LUC7L3: variants seen among roughly 807,000 people sequenced by gnomAD.
LUC7L3 encodes the protein luc7-like protein 3.
Under a neutral mutation model 66.8 loss-of-function variants are expected in LUC7L3, and 6 were observed. That is an observed-to-expected ratio of 0.09 (90% CI 0.05 to 0.18). The LOEUF is 0.18. LUC7L3 is among the 10% of genes least tolerant of loss of function. The pLI, the probability that LUC7L3 is intolerant of heterozygous loss-of-function variation, is 1.00. For synonymous variants in LUC7L3, 160 were observed against 174.7 expected (o/e 0.92, Z 0.66); for missense variants, 341 against 531.1 (o/e 0.64, Z 3.52).
At chr17:50,721,477 A>T (rs911415170) in intron 1 of LUC7L3, among the ~76,000 whole-genome samples, 1 of 152,150 alleles carries the variant, frequency 6.6e-6, no homozygotes, top group Non-Finnish European at 1.5e-5. Flanking sequence ...CAGTTTTAGT[A>T]CTTTTCACTA....
intron 5 of LUC7L3, among the ~76,000 whole-genome samples, chr17:50,743,221 C>CA: frequency 6.7e-6 from 1 of 150,342 alleles, no homozygotes; most frequent in East Asian, 2.0e-4. Context: ...AAAAAAAAAA[C>CA]AGAGTCTCAC....
At chr17:50,736,782 A>G (rs1970011589) in intron 1 of LUC7L3, 178 bp from the exon 2 acceptor site, 2 of 556,318 alleles carry the variant, frequency 3.6e-6, no homozygotes, top group Non-Finnish European at 6.3e-6. Context: ...TTATTCTTTT[A>G]TCGAAATTCA....
Position 50,749,613 on chromosome 17 carries a change from A to G in LUC7L3, c.1139-888A>G, listed in dbSNP as rs368110701. ...TATGTAGAGGGTTCTGTTTCTCTTA[A>G]AATGTCTTTTTGTCTAATTAACTAC... On this transcript the variant is annotated intron_variant, in intron 9 of 9. Transcript: ENST00000505658. Among the ~76,000 whole-genome samples, 3 of 152,282 alleles carry G rather than the reference A, an allele frequency of 2.0e-5. No individual in the cohort carries two copies. In the East Asian group the frequency reaches 5.8e-4, roughly 29 times the overall value.
At position 50,750,482 on chromosome 17, in the gene LUC7L3, A is replaced by C. The variant is rs775133946; in HGVS notation, c.1139-19A>C. 6.2e-7 allele frequency: 1 copy of C among 1,602,208 alleles called. No homozygotes were observed. The highest frequency in any genetic ancestry group is 8.5e-7 in the Non-Finnish European group (1 of 1,174,436). On this transcript the variant is annotated intron_variant, in intron 9 of 9. Coordinates refer to ENST00000505658, the MANE Select transcript of LUC7L3 (RefSeq NM_016424.5). Reference sequence around the variant, plus strand: ...TATTTTACTTTAAAATCCATGGTCAATGTCTTCTTTTATGGCAGAAAAGAG... The same window carrying C: ...TATTTTACTTTAAAATCCATGGTCACTGTCTTCTTTTATGGCAGAAAAGAG...
At chr17:50,732,560 CTTT>C (rs11360311) in intron 1 of LUC7L3, among the ~76,000 whole-genome samples, 15 of 133,228 alleles carry the variant, frequency 1.1e-4, no homozygotes, top group African/African-American at 1.1e-4. Flanking sequence ...TTTTTTCATT[CTTT>C]TTTTTTTTTT....
rs372178620 is a variant in LUC7L3 at position 50,751,495 on chromosome 17, G to T, written c.*834G>T. The T allele has an allele frequency of 1.4e-5, 17 of 1,183,828 alleles. No homozygotes were observed. The highest frequency in any genetic ancestry group is 1.6e-5 in the South Asian group (1 of 63,620). The allele number at this position is 1,183,828 out of a possible 1,614,324, so 73.3% of individuals were successfully genotyped here. On this transcript the variant is annotated 3_prime_UTR_variant, in exon 10 of 10. Coordinates refer to ENST00000505658, the MANE Select transcript of LUC7L3 (RefSeq NM_016424.5). ...TGCAGAGGGGTTTTTTGTGTATTGC[G>T]TGAAAACTTATAAAACAAATGTTAA...
At chr17:50,721,326 T>C (rs1023497543) in intron 1 of LUC7L3, among the ~76,000 whole-genome samples, 7 of 152,190 alleles carry the variant, frequency 4.6e-5, no homozygotes, top group Admixed American at 1.3e-4. Flanking sequence ...TTGAACACGT[T>C]TTAGAGAAAC....
intron 3 of LUC7L3, 42 bp downstream of exon 3, chr17:50,740,387 GT>G: frequency 3.9e-6 from 6 of 1,557,336 alleles, no homozygotes; most frequent in Non-Finnish European, 5.3e-6. Flanking sequence ...CCAGTTATTA[GT>G]TGGTTTAAGT....
rs1970866214 is a variant in LUC7L3 at position 50,749,354 on chromosome 17, A to C, written c.1139-1147A>C. 3 of 1,288,024 alleles carry C rather than the reference A, an allele frequency of 2.3e-6. No individual in the cohort carries two copies. The South Asian group carries it at 3.7e-5, about 16-fold the overall frequency. 79.8% of individuals were successfully genotyped at this position (1,288,024 alleles called of 1,614,324 possible). A position where few individuals can be genotyped will look rare whatever the true frequency, so the allele number is the denominator to read the frequency against. Reference sequence around the variant, plus strand: ...AGGACTTTCCCACAAGGTCAGTTAGAGCCCACTGTCCTGGCACAGTTCTCA... The same window carrying C: ...AGGACTTTCCCACAAGGTCAGTTAGCGCCCACTGTCCTGGCACAGTTCTCA... On this transcript the variant is annotated intron_variant, in intron 9 of 9. Coordinates refer to ENST00000505658, the MANE Select transcript of LUC7L3 (RefSeq NM_016424.5).
At chr17:50,731,028 G>A (rs537997548) in intron 1 of LUC7L3, among the ~76,000 whole-genome samples, 1 of 128,008 alleles carries the variant, frequency 7.8e-6, no homozygotes, top group African/African-American at 2.6e-5. Flanking sequence ...TTATGATTAT[G>A]TAGGTATTTA....
At chr17:50,720,311 C>T (rs781752515) in intron 1 of LUC7L3, among the ~76,000 whole-genome samples, 2 of 152,184 alleles carry the variant, frequency 1.3e-5, no homozygotes, top group Non-Finnish European at 2.9e-5. Flanking sequence ...TAAAAGAAGT[C>T]GTTTACTTGT....
At chr17:50,738,206 AC>A in intron 2 of LUC7L3, 1 of 437,144 alleles carries the variant, frequency 2.3e-6, no homozygotes, top group Non-Finnish European at 4.5e-6. Flanking sequence ...GCAGGTACTG[AC>A]CCTTGGGGAA....
chr17:50,746,265 C>T (rs1970661293), intron 8 of LUC7L3, among the ~76,000 whole-genome samples: 1 of 152,112 alleles, frequency 6.6e-6, no homozygotes, highest in Admixed American at 6.5e-5. Flanking sequence ...GTGCTTGTCT[C>T]ACTGATTCCG....
chr17:50,728,134 AG>A (rs1969327281), intron 1 of LUC7L3, among the ~76,000 whole-genome samples: 1 of 138,118 alleles, frequency 7.2e-6, no homozygotes. Context: ...AAAAAAAAAA[AG>A]TTTTTATAAG....
At chr17:50,726,592 G>C (rs1188097478) in intron 1 of LUC7L3, among the ~76,000 whole-genome samples, 3 of 151,888 alleles carry the variant, frequency 2.0e-5, no homozygotes, top group Non-Finnish European at 4.4e-5. Context: ...TAAATTGCTT[G>C]ATATGTACGA....
In LUC7L3 at chr17:50,751,919, T is replaced by A; in HGVS notation, c.*1258T>A. On this transcript the variant is annotated 3_prime_UTR_variant, in exon 10 of 10. Transcript: ENST00000505658. ...TGGGCTAGTGGTGTGGGACAAAATA[T>A]TCCTAATGAAAGGAAGTACCAATTA... The A allele has an allele frequency of 9.7e-7, 1 of 1,030,608 alleles. No homozygotes were observed. The highest frequency in any genetic ancestry group is 1.2e-6 in the Non-Finnish European group (1 of 856,810). 63.8% of individuals were successfully genotyped at this position (1,030,608 alleles called of 1,614,324 possible). A position where few individuals can be genotyped will look rare whatever the true frequency, so the allele number is the denominator to read the frequency against.
At chr17:50,747,664 TTTTG>T (rs1006551732) in intron 9 of LUC7L3, among the ~76,000 whole-genome samples, 3 of 152,228 alleles carry the variant, frequency 2.0e-5, no homozygotes, top group African/African-American at 4.8e-5. Flanking sequence ...TGTCCTGGTT[TTTTG>T]TTTTCGTTTT....
chr17:50,746,273 C>A (rs759169886), intron 8 of LUC7L3, among the ~76,000 whole-genome samples: 12 of 151,976 alleles, frequency 7.9e-5, no homozygotes, highest in Non-Finnish European at 1.6e-4. Flanking sequence ...CTCACTGATT[C>A]CGAGAAATAA....
intron 1 of LUC7L3, among the ~76,000 whole-genome samples, chr17:50,730,050 C>A (rs1269594327): frequency 6.6e-6 from 1 of 150,946 alleles, no homozygotes; most frequent in East Asian, 1.9e-4. Context: ...ACCTCCTGGG[C>A]TCTAGCAGTC....
Sources: gnomAD v4.1 joint callset for allele counts (sites outside exome capture counted in the v4.1 genomes callset) on GRCh38, gnomAD v4.1.1 for gene constraint, MANE v1.5 for transcripts, NCBI Gene and HGNC (gene_info 2026-07-23, HGNC 2026-07-21) for gene names.